The following SLC5A4 variants were observed in gnomAD, a reference collection of about 807,000 sequenced individuals.
SLC5A4 encodes the protein solute carrier family 5 member 4.
A neutral mutation model predicts 70.3 loss-of-function variants in SLC5A4; 55 were observed. The ratio of observed to expected loss-of-function variants is 0.78; its 90% CI spans 0.63 to 0.98. SLC5A4 has a LOEUF of 0.98. Ranked by LOEUF, SLC5A4 falls within the 50% of genes least tolerant of loss-of-function variation. The probability of loss-of-function intolerance (pLI) is 0.00; values close to 1 mark genes in which losing one functional copy is unlikely to be tolerated. For missense variants in SLC5A4, 735 were observed against 839.2 expected, an observed-to-expected ratio of 0.88 and a Z score of 1.53; for synonymous variants, 268 against 305.7, an observed-to-expected ratio of 0.88 and a Z score of 1.29.
the SLC5A4 span, among the ~76,000 whole-genome samples, chr22:32,291,195 G>GTTTA: frequency 0.48 from 68,952 of 142,742 alleles, 16,644 homozygotes; most frequent in Admixed American, 0.52. Flanking sequence ...TATACTTTGT[G>GTTTA]TTTGACTGTT....
At chr22:32,305,175 C>A in the SLC5A4 span, among the ~76,000 whole-genome samples, 1 of 151,758 alleles carries the variant, frequency 6.6e-6, no homozygotes, top group African/African-American at 2.4e-5. Context: ...AAAAAAATTT[C>A]TCCAGTTTCT....
At chr22:32,312,283 C>T in the SLC5A4 span, among the ~76,000 whole-genome samples, 1 of 151,806 alleles carries the variant, frequency 6.6e-6, no homozygotes, top group South Asian at 2.1e-4. Context: ...AGGTAACCCG[C>T]GCCCATCAGA....
chr22:32,353,709 G>A, the SLC5A4 span, among the ~76,000 whole-genome samples: 2 of 151,666 alleles, frequency 1.3e-5, no homozygotes, highest in South Asian at 2.1e-4. Context: ...CCCTTGCTTC[G>A]GACACTGCAG....
the SLC5A4 span, among the ~76,000 whole-genome samples, chr22:32,351,697 C>A: frequency 8.4e-5 from 5 of 59,738 alleles, no homozygotes; most frequent in Non-Finnish European, 1.2e-4. Flanking sequence ...AAGATTCCGT[C>A]GGGGCGGGGG....
the SLC5A4 span, among the ~76,000 whole-genome samples, chr22:32,266,947 G>C: frequency 6.6e-6 from 1 of 152,166 alleles, no homozygotes; most frequent in African/African-American, 2.4e-5. Flanking sequence ...TAATGAGTGT[G>C]GTTTTAGGAA....
chr22:32,328,358 A>T, the SLC5A4 span, among the ~76,000 whole-genome samples: 1 of 152,166 alleles, frequency 6.6e-6, no homozygotes, highest in Non-Finnish European at 1.5e-5. Flanking sequence ...GCTCGCTTGT[A>T]ACAAATGGAT....
the SLC5A4 span, among the ~76,000 whole-genome samples, chr22:32,311,164 G>A: frequency 1.4e-4 from 22 of 152,252 alleles, no homozygotes; most frequent in South Asian, 1.2e-3. Flanking sequence ...CTTGTCCCTC[G>A]AACTGAGTTC....
the SLC5A4 span, among the ~76,000 whole-genome samples, chr22:32,273,780 AAAAC>A: frequency 1.6e-3 from 248 of 151,522 alleles, 3 homozygotes; most frequent in East Asian, 0.04. Flanking sequence ...AAGAGAAAGC[AAAAC>A]AAACAAACAA....
At chr22:32,264,727 T>G in the SLC5A4 span, among the ~76,000 whole-genome samples, 7 of 152,152 alleles carry the variant, frequency 4.6e-5, no homozygotes, top group Admixed American at 4.6e-4. Flanking sequence ...ATACCCTGCA[T>G]GTTTTATCCA....
At chr22:32,219,314 G>A (rs748384603) in intron 14 of SLC5A4, among the ~76,000 whole-genome samples, 6 of 152,020 alleles carry the variant, frequency 3.9e-5, no homozygotes, top group Non-Finnish European at 7.4e-5. Context: ...ACCCAACAAC[G>A]GAACTCCACA....
chr22:32,228,356 C>T (rs145667047), intron 11 of SLC5A4, among the ~76,000 whole-genome samples: 2,292 of 152,148 alleles, frequency 0.015, 28 homozygotes, highest in Middle Eastern at 0.027. Context: ...GCCCGGCCAA[C>T]GATGTGAATC....
the SLC5A4 span, among the ~76,000 whole-genome samples, chr22:32,300,695 A>G: frequency 2.6e-3 from 393 of 152,274 alleles, 2 homozygotes; most frequent in Non-Finnish European, 5.1e-3. Context: ...ATTAAGCATA[A>G]TATCTGGAGC....
chr22:32,259,317 T>C (rs553491699), upstream of SLC5A4, among the ~76,000 whole-genome samples: 2 of 152,258 alleles, frequency 1.3e-5, no homozygotes, highest in Non-Finnish European at 2.9e-5. Context: ...CTTTCAGCAT[T>C]ATTAGCTATT....
the SLC5A4 span, among the ~76,000 whole-genome samples, chr22:32,302,921 T>C: frequency 1.1e-4 from 17 of 152,384 alleles, 1 homozygote; most frequent in African/African-American, 2.6e-4. Flanking sequence ...TTGGGGAGAA[T>C]TGACATCTTT....
At chr22:32,222,867 A>G (rs550000063) in intron 13 of SLC5A4, among the ~76,000 whole-genome samples, 1 of 152,342 alleles carries the variant, frequency 6.6e-6, no homozygotes, top group Admixed American at 6.5e-5. Context: ...GTATTAGTAT[A>G]TAAGCAGTAT....
the SLC5A4 span, among the ~76,000 whole-genome samples, chr22:32,340,246 G>T: frequency 6.6e-6 from 1 of 152,202 alleles, no homozygotes; most frequent in Non-Finnish European, 1.5e-5. Context: ...AGCTCAGTGA[G>T]CCCTCAACAA....
chr22:32,239,531 T>TAA (rs1926275906), intron 5 of SLC5A4, among the ~76,000 whole-genome samples: 1 of 9,162 alleles, frequency 1.1e-4, no homozygotes, highest in African/African-American at 1.3e-3. Flanking sequence ...TATATATATA[T>TAA]ATATATATAT....
the SLC5A4 span, among the ~76,000 whole-genome samples, chr22:32,305,978 C>CT: frequency 2.0e-5 from 3 of 152,032 alleles, no homozygotes; most frequent in South Asian, 4.1e-4. Flanking sequence ...AGGATGGACT[C>CT]ACGTGCCCAG....
At chr22:32,325,961 G>A in the SLC5A4 span, among the ~76,000 whole-genome samples, 11,949 of 152,304 alleles carry the variant, frequency 0.078, 767 homozygotes, top group East Asian at 0.33. Flanking sequence ...GAGGAGCTGA[G>A]CCTGGAATCG....
Sources: gnomAD v4.1 joint callset for allele counts (sites outside exome capture counted in the v4.1 genomes callset) on GRCh38, gnomAD v4.1.1 for gene constraint, MANE v1.5 for transcripts, NCBI Gene and HGNC (gene_info 2026-07-23, HGNC 2026-07-21) for gene names.